The following GBE1 variants were observed in gnomAD, a reference collection of about 807,000 sequenced individuals.
GBE1 encodes 1,4-alpha-glucan branching enzyme 1.
A neutral mutation model predicts 88.8 loss-of-function variants in GBE1; 70 were observed. The observed-to-expected ratio is 0.79, with a 90% confidence interval of 0.65 to 0.96. The LOEUF (loss-of-function observed/expected upper bound fraction) is 0.96. Among genes scored for constraint, GBE1 ranks in the 40% least tolerant of loss-of-function variants. The pLI, the probability that GBE1 is intolerant of heterozygous loss-of-function variation, is 0.00. For missense variants in GBE1, 872 were observed against 871.0 expected (o/e 1.00, Z -0.01); for synonymous variants, 284 against 300.1 (o/e 0.95, Z 0.56).
intron 14 of GBE1, chr3:81,534,991 C>CA: frequency 2.0e-6 from 1 of 510,044 alleles, no homozygotes; most frequent in South Asian, 2.4e-5. Flanking sequence ...TGTTTAAACC[C>CA]AAAATGAAGC....
At chr3:81,545,319 C>G (rs1392243898) in intron 12 of GBE1, among the ~76,000 whole-genome samples, 2 of 152,148 alleles carry the variant, frequency 1.3e-5, no homozygotes, top group Non-Finnish European at 2.9e-5. Context: ...GTTTCTCTGT[C>G]ATTCTCCACA....
intron 12 of GBE1, among the ~76,000 whole-genome samples, chr3:81,554,965 A>G: frequency 6.6e-6 from 1 of 152,172 alleles, no homozygotes; most frequent in East Asian, 1.9e-4. Context: ...GCCAACAGCT[A>G]GTTAGCCTTG....
rs11708292 is a variant in GBE1, at chr3:81,696,715, G to C, written c.313+8729C>G. Among the ~76,000 whole-genome samples the C allele has an allele frequency of 9.8e-3, 1,485 of 152,208 alleles. 6 individuals are homozygous for C. The highest frequency in any genetic ancestry group is 0.014 in the Non-Finnish European group (985 of 67,996). On this transcript the variant is annotated intron_variant, in intron 2 of 15. Coordinates refer to ENST00000429644, the MANE Select transcript of GBE1 (RefSeq NM_000158.4). Reference sequence around the variant, plus strand: ...CAAGATAATTTTACAGACATTAACTGCAAGTGGAATACCAAAACTGAAACC... The same window carrying C: ...CAAGATAATTTTACAGACATTAACTCCAAGTGGAATACCAAAACTGAAACC...
rs567362507 is a variant in GBE1 at position 81,526,924 on chromosome 3, T to C, written c.1934+8271A>G. Among the ~76,000 whole-genome samples, 1,240 of 151,934 alleles carry C rather than the reference T, an allele frequency of 8.2e-3. 24 individuals carry two copies. The highest frequency in any genetic ancestry group is 0.029 in the African/African-American group (1,185 of 41,476). On this transcript the variant is annotated intron_variant, in intron 14 of 15. Transcript: ENST00000429644. The stretch of plus-strand genomic sequence containing the variant: ...CCCGCATTGCCAAGTCAATCCTAAG[T>C]CAAAAGAACAAAGCTGGAGGTATCA...
At chr3:81,702,032 G>GA (rs1204313614) in intron 2 of GBE1, among the ~76,000 whole-genome samples, 2 of 146,756 alleles carry the variant, frequency 1.4e-5, no homozygotes, top group Non-Finnish European at 3.0e-5. Flanking sequence ...CTATTATTAG[G>GA]AAAAAACGGA....
intron 7 of GBE1, among the ~76,000 whole-genome samples, chr3:81,621,767 C>G (rs951101673): frequency 6.6e-6 from 1 of 152,150 alleles, no homozygotes; most frequent in Non-Finnish European, 1.5e-5. Flanking sequence ...TAGTGAACTA[C>G]TCTCCCACTC....
At chr3:81,622,146 G>A (rs1390661297) in intron 7 of GBE1, among the ~76,000 whole-genome samples, 2 of 152,062 alleles carry the variant, frequency 1.3e-5, no homozygotes, top group Non-Finnish European at 2.9e-5. Flanking sequence ...TACACTTGCT[G>A]CCTTCACTTT....
intron 1 of GBE1, among the ~76,000 whole-genome samples, chr3:81,753,424 A>AAGGTATTAT (rs1706559606): frequency 6.6e-6 from 1 of 152,234 alleles, no homozygotes; most frequent in African/African-American, 2.4e-5. Flanking sequence ...AATACCTATA[A>AAGGTATTAT]ATGTATAATC....
rs577344499 is a variant in GBE1, at chr3:81,607,403, G to T, written c.993-13380C>A. Among the ~76,000 whole-genome samples the T allele has an allele frequency of 2.0e-5, 3 of 152,112 alleles. No homozygotes were observed. The South Asian group carries it at 6.2e-4, about 32-fold the overall frequency. On this transcript the variant is annotated intron_variant, in intron 7 of 15. Coordinates refer to ENST00000429644, the MANE Select transcript of GBE1 (RefSeq NM_000158.4). ...ATCTCTACTAAAACTACAAAAATTA[G>T]CTGGGCTTGGTGGCGCACACCTGTA...
At chr3:81,505,354 G>A (rs1239125653) in intron 14 of GBE1, among the ~76,000 whole-genome samples, 1 of 152,158 alleles carries the variant, frequency 6.6e-6, no homozygotes, top group Admixed American at 6.5e-5. Flanking sequence ...GTCTGGTAGG[G>A]TAAGAACAGT....
chr3:81,707,609 TA>T (rs1705796560), intron 1 of GBE1, among the ~76,000 whole-genome samples: 2 of 151,736 alleles, frequency 1.3e-5, no homozygotes, highest in South Asian at 4.2e-4. Flanking sequence ...AATATTATAT[TA>T]AAAAAAGGCA....
intron 2 of GBE1, among the ~76,000 whole-genome samples, chr3:81,696,039 C>A (rs1205881665): frequency 1.3e-5 from 2 of 151,938 alleles, no homozygotes; most frequent in Non-Finnish European, 2.9e-5. Flanking sequence ...TTTTTCCGCC[C>A]CCCCAAGATC....
chr3:81,728,899 C>A (rs1038805707), intron 1 of GBE1, among the ~76,000 whole-genome samples: 1 of 151,566 alleles, frequency 6.6e-6, no homozygotes, highest in African/African-American at 2.4e-5. Context: ...CCTCCAAATT[C>A]ACCCCCCCTT....
chr3:81,599,579 G>T (rs1576164832), intron 7 of GBE1, among the ~76,000 whole-genome samples: 1 of 152,084 alleles, frequency 6.6e-6, no homozygotes, highest in East Asian at 1.9e-4. Context: ...TAATGCAAGG[G>T]TAAGTATTTG....
intron 7 of GBE1, among the ~76,000 whole-genome samples, chr3:81,624,196 GC>G (rs944419351): frequency 6.6e-6 from 1 of 152,114 alleles, no homozygotes; most frequent in African/African-American, 2.4e-5. Context: ...AGGAGGACAA[GC>G]CCCTTATAAA....
chr3:81,577,956 C>T lies in GBE1; in HGVS notation c.1587G>A (p.Gly529=), dbSNP rs1324484445. Reference sequence around the variant, plus strand: ...AATTGAGATAGCCTTCTCCACCAAGCCCATGCGTAATGAGTCGAATCATTT... The same window carrying T: ...AATTGAGATAGCCTTCTCCACCAAGTCCATGCGTAATGAGTCGAATCATTT... ...LHKMIRLITH[G]LGGEGYLNFM... Residue 529 remains glycine, a synonymous_variant, in exon 12 of 16, where the codon GGG becomes GGA. Transcript: ENST00000429644. 3 of 1,603,846 alleles carry T rather than the reference C, an allele frequency of 1.9e-6. No individual in the cohort carries two copies. In the African/African-American group the frequency reaches 4.0e-5, roughly 22 times the overall value.
intron 7 of GBE1, among the ~76,000 whole-genome samples, chr3:81,602,691 G>A (rs1323521361): frequency 6.6e-6 from 1 of 152,142 alleles, no homozygotes; most frequent in African/African-American, 2.4e-5. Flanking sequence ...ACAAGTTTCA[G>A]AGGGACAGAA....
chr3:81,537,843 G>A (rs1396062990), intron 12 of GBE1, among the ~76,000 whole-genome samples: 3 of 151,820 alleles, frequency 2.0e-5, no homozygotes, highest in African/African-American at 7.3e-5. Context: ...TGAGACCCCT[G>A]GCTGGGGATC....
At chr3:81,523,390 G>A (rs1702899142) in intron 14 of GBE1, among the ~76,000 whole-genome samples, 2 of 151,256 alleles carry the variant, frequency 1.3e-5, no homozygotes, top group Admixed American at 1.3e-4. Context: ...ATATGTTTAT[G>A]GGGTACCTGA....
Sources: gnomAD v4.1 joint callset for allele counts (sites outside exome capture counted in the v4.1 genomes callset) on GRCh38, gnomAD v4.1.1 for gene constraint, MANE v1.5 for transcripts, NCBI Gene and HGNC (gene_info 2026-07-23, HGNC 2026-07-21) for gene names.